Variants in KSR1 observed in about 807,000 individuals in gnomAD.
The protein encoded by KSR1 is kinase suppressor of ras 1, also known as kinase suppressor of ras.
Under a neutral mutation model 92.9 loss-of-function variants are expected in KSR1, and 35 were observed. That is an observed-to-expected ratio of 0.38 (90% CI 0.29 to 0.50). The LOEUF (loss-of-function observed/expected upper bound fraction) is 0.50, where lower values mean the gene tolerates loss of function less well. KSR1 is among the 20% of genes least tolerant of loss of function. The pLI, the probability that KSR1 is intolerant of heterozygous loss-of-function variation, is 0.94. For synonymous variants in KSR1, 467 were observed against 472.6 expected (o/e 0.99, Z 0.15); for missense variants, 972 against 1,158.5 (o/e 0.84, Z 2.34).
At chr17:27,555,222 G>A (rs764162354) in intron 2 of KSR1, among the ~76,000 whole-genome samples, 5 of 152,162 alleles carry the variant, frequency 3.3e-5, no homozygotes, top group Admixed American at 6.5e-5. Context: ...CTTAGGATTG[G>A]GGGGTATGAG....
At chr17:27,475,378 T>C (rs971862404) in intron 1 of KSR1, among the ~76,000 whole-genome samples, 1 of 152,248 alleles carries the variant, frequency 6.6e-6, no homozygotes, top group Admixed American at 6.5e-5. Flanking sequence ...TTGAAACTTA[T>C]GTCTTACTAA....
intron 17 of KSR1, 29 bp from the exon 18 acceptor site, chr17:27,611,465 A>C: frequency 6.2e-7 from 1 of 1,613,602 alleles, no homozygotes; most frequent in Non-Finnish European, 8.5e-7. Flanking sequence ...GCGGCCCAGG[A>C]GCTCACAGAC....
intron 11 of KSR1, 45 bp from the exon 12 acceptor site, chr17:27,603,789 A>G: frequency 6.3e-7 from 1 of 1,595,772 alleles, no homozygotes. Context: ...CTTTGGGGAG[A>G]GGAAAGCAAT....
At chr17:27,503,806 G>A (rs914116759) in intron 1 of KSR1, among the ~76,000 whole-genome samples, 3 of 152,170 alleles carry the variant, frequency 2.0e-5, no homozygotes, top group Admixed American at 1.3e-4. Context: ...AGATGGTGGA[G>A]GCGCCGTCAG....
chr17:27,496,882 C>T (rs2069006411), intron 1 of KSR1, among the ~76,000 whole-genome samples: 1 of 152,236 alleles, frequency 6.6e-6, no homozygotes, highest in African/African-American at 2.4e-5. Context: ...CTGCCGTGTC[C>T]TCCTCTGAGA....
intron 2 of KSR1, chr17:27,558,268 C>CTTTTTTT (rs35172937): frequency 7.0e-6 from 1 of 142,052 alleles, no homozygotes. Context: ...CCTTCTCTCT[C>CTTTTTTT]TTTTTTTTTT....
chr17:27,473,932 T>G (rs1056281784), intron 1 of KSR1, among the ~76,000 whole-genome samples: 9 of 151,506 alleles, frequency 5.9e-5, no homozygotes, highest in African/African-American at 2.2e-4. Flanking sequence ...ATTTTGAGAG[T>G]TTTAGGAAGT....
intron 2 of KSR1, among the ~76,000 whole-genome samples, chr17:27,574,828 C>G (rs1475194483): frequency 1.3e-5 from 2 of 152,196 alleles, no homozygotes; most frequent in African/African-American, 4.8e-5. Context: ...GAATGTCTGG[C>G]CTTCTCTGTT....
intron 18 of KSR1, among the ~76,000 whole-genome samples, chr17:27,614,861 C>G (rs571164655): frequency 6.6e-6 from 1 of 152,248 alleles, no homozygotes; most frequent in African/African-American, 2.4e-5. Flanking sequence ...CTTGCCTTCC[C>G]TTTTTAACAC....
At chr17:27,489,955 A>G (rs2068772689) in intron 1 of KSR1, among the ~76,000 whole-genome samples, 1 of 152,210 alleles carries the variant, frequency 6.6e-6, no homozygotes, top group Non-Finnish European at 1.5e-5. Context: ...GTTGCATACA[A>G]TTGGTTCAAA....
chr17:27,476,829 AG>A (rs754565751), intron 1 of KSR1, among the ~76,000 whole-genome samples: 1 of 152,212 alleles, frequency 6.6e-6, no homozygotes, highest in Non-Finnish European at 1.5e-5. Context: ...ATGACAGGAA[AG>A]GGGTCCCGAT....
intron 1 of KSR1, among the ~76,000 whole-genome samples, chr17:27,527,748 A>G (rs1170976066): frequency 6.6e-6 from 1 of 152,198 alleles, no homozygotes; most frequent in African/African-American, 2.4e-5. Flanking sequence ...AAAAACAATA[A>G]TATCTTGGGC....
At chr17:27,511,600 ATGCTTC>A (rs1237907494) in intron 1 of KSR1, among the ~76,000 whole-genome samples, 2 of 152,158 alleles carry the variant, frequency 1.3e-5, no homozygotes, top group Non-Finnish European at 2.9e-5. Context: ...TGGGAGTGGG[ATGCTTC>A]TGGGCTGGCA....
At chr17:27,586,527 G>A (rs1465691417) in intron 5 of KSR1, among the ~76,000 whole-genome samples, 2 of 152,184 alleles carry the variant, frequency 1.3e-5, no homozygotes, top group Non-Finnish European at 2.9e-5. Context: ...AGCATGAAGA[G>A]GAGCTACACT....
At chr17:27,458,454 C>T (rs143656445) in intron 1 of KSR1, among the ~76,000 whole-genome samples, 1 of 152,284 alleles carries the variant, frequency 6.6e-6, no homozygotes, top group Non-Finnish European at 1.5e-5. Context: ...CTGAAGTGCT[C>T]CTGGCTTCCA....
intron 10 of KSR1, among the ~76,000 whole-genome samples, chr17:27,598,912 C>T (rs1297872953): frequency 2.0e-5 from 3 of 152,164 alleles, no homozygotes; most frequent in South Asian, 2.1e-4. Context: ...GGAGAAGGCA[C>T]GCCTCCTATC....
chr17:27,507,563 C>CTTTTTTTTTTTTTTT (rs751092460), intron 1 of KSR1, among the ~76,000 whole-genome samples: 1 of 43,298 alleles, frequency 2.3e-5, no homozygotes, highest in African/African-American at 8.9e-5. Context: ...TATTGTTTGG[C>CTTTTTTTTTTTTTTT]TTTTTTTTTT....
intron 1 of KSR1, among the ~76,000 whole-genome samples, chr17:27,504,191 A>G (rs1054728391): frequency 1.3e-5 from 2 of 152,168 alleles, no homozygotes; most frequent in African/African-American, 2.4e-5. Flanking sequence ...GAGAGGTTTA[A>G]TGACTTACCC....
At chr17:27,530,889 G>A (rs1456299991) in intron 1 of KSR1, among the ~76,000 whole-genome samples, 1 of 152,184 alleles carries the variant, frequency 6.6e-6, no homozygotes, top group Non-Finnish European at 1.5e-5. Context: ...CTGTCGCTTA[G>A]TAAAATAACA....
Sources: gnomAD v4.1 joint callset for allele counts (sites outside exome capture counted in the v4.1 genomes callset) on GRCh38, gnomAD v4.1.1 for gene constraint, MANE v1.5 for transcripts, NCBI Gene and HGNC (gene_info 2026-07-23, HGNC 2026-07-21) for gene names.